Variants in FBRSL1 observed in about 807,000 individuals in gnomAD.
FBRSL1 encodes the protein fibrosin-1-like protein.
A neutral mutation model predicts 89.6 loss-of-function variants in FBRSL1; 51 were observed. The observed-to-expected ratio is 0.57, with a 90% confidence interval of 0.45 to 0.72. The LOEUF is 0.72. Ranked by LOEUF, FBRSL1 falls within the 30% of genes least tolerant of loss-of-function variation. The probability of loss-of-function intolerance (pLI) is 0.00; values close to 1 mark genes in which losing one functional copy is unlikely to be tolerated. For synonymous variants in FBRSL1, 779 were observed against 681.1 expected, an observed-to-expected ratio of 1.14 and a Z score of -2.24; for missense variants, 1,618 against 1,451.8, an observed-to-expected ratio of 1.11 and a Z score of -1.86.
chr12:132,503,979 T>G (rs560208486), intron 1 of FBRSL1, among the ~76,000 whole-genome samples: 1 of 151,780 alleles, frequency 6.6e-6, no homozygotes, highest in South Asian at 2.1e-4. Flanking sequence ...CCTGCCCCCA[T>G]GGAGAGCAGC....
chr12:132,558,369 G>C (rs561696837), intron 5 of FBRSL1, among the ~76,000 whole-genome samples: 1 of 152,232 alleles, frequency 6.6e-6, no homozygotes, highest in African/African-American at 2.4e-5. Context: ...TTTCTCGTCG[G>C]TGAGACGAGT....
chr12:132,531,124 C>T (rs1323709725), intron 4 of FBRSL1, among the ~76,000 whole-genome samples: 1 of 152,044 alleles, frequency 6.6e-6, no homozygotes, highest in Non-Finnish European at 1.5e-5. Context: ...AGGTGGAGGC[C>T]AGACCACCCC....
rs999763077 is a variant in FBRSL1 at position 132,585,125 on chromosome 12, T to C, written c.*1347T>C. On this transcript the variant is annotated 3_prime_UTR_variant, in exon 19 of 19. Coordinates refer to ENST00000680143, the MANE Select transcript of FBRSL1 (RefSeq NM_001367871.1). ...CCACATTTCCACGGTGGACCCTGTT[T>C]GTTTTAAATATTCTGTTCCCATGTC... is the stretch of plus-strand genomic sequence containing the variant. The C allele has an allele frequency of 2.0e-5, 3 of 152,274 alleles. No individual in the cohort carries two copies. The highest frequency in any genetic ancestry group is 4.8e-5 in the African/African-American group (2 of 41,466). The allele number at this position is 152,274 out of a possible 1,614,324, so 9.4% of individuals were successfully genotyped here. A position where few individuals can be genotyped will look rare whatever the true frequency, so the allele number is the denominator to read the frequency against.
At chr12:132,547,920 C>T (rs1593438926) in intron 4 of FBRSL1, 83 bp from the exon 5 acceptor site, 1 of 1,491,232 alleles carries the variant, frequency 6.7e-7, no homozygotes, top group Non-Finnish European at 9.1e-7. Context: ...ACCCGTGCCC[C>T]TGCAGCCTGG....
intron 5 of FBRSL1, among the ~76,000 whole-genome samples, chr12:132,560,829 A>G (rs1420182184): frequency 6.6e-6 from 1 of 152,192 alleles, no homozygotes; most frequent in Non-Finnish European, 1.5e-5. Context: ...CACGCGGGCT[A>G]GGAGGCAGAG....
At chr12:132,530,726 TG>T (rs1334049339) in intron 4 of FBRSL1, among the ~76,000 whole-genome samples, 14 of 6,984 alleles carry the variant, frequency 2.0e-3, no homozygotes, top group South Asian at 6.9e-3. Flanking sequence ...GGGGTGGGGC[TG>T]GGGGGTGGGG....
intron 6 of FBRSL1, among the ~76,000 whole-genome samples, chr12:132,568,431 G>A (rs4883553): frequency 0.24 from 35,930 of 152,276 alleles, 4,949 homozygotes; most frequent in South Asian, 0.32. Context: ...GCGCAGATGG[G>A]GTGGTGTCAG....
chr12:132,564,903 T>A (rs137958711), intron 5 of FBRSL1, among the ~76,000 whole-genome samples: 2,654 of 150,192 alleles, frequency 0.018, 65 homozygotes, highest in East Asian at 0.11. Context: ...TGCTGGGATT[T>A]CAGGCGTGAG....
intron 2 of FBRSL1, among the ~76,000 whole-genome samples, chr12:132,517,742 G>A (rs1238397544): frequency 6.6e-6 from 1 of 152,182 alleles, no homozygotes; most frequent in Non-Finnish European, 1.5e-5. Flanking sequence ...GAGGGGCCTG[G>A]TCTCATACAG....
At position 132,583,545 on chromosome 12, in the gene FBRSL1, G is replaced by T; in HGVS notation, c.2776G>T (p.Gly926Ter). 2 of 1,045,904 alleles carry T rather than the reference G, an allele frequency of 1.9e-6. No individual in the cohort carries two copies. Among genetic ancestry groups the T allele is most frequent in the Non-Finnish European group, 1.2e-6 (1 of 867,876 alleles). The allele number at this position is 1,045,904 out of a possible 1,614,324, so 64.8% of individuals were successfully genotyped here. The change falls in exon 19 of 19, where the codon GGA becomes TGA. Residue 926 changes from glycine (G) to a stop codon, truncating the protein, a stop_gained. Coordinates refer to ENST00000680143, the MANE Select transcript of FBRSL1 (RefSeq NM_001367871.1). LOFTEE classifies it high-confidence loss of function. Reference protein sequence around the residue: ...ALDGALLPSLGALHFPRLSPA... With the variant: ...ALDGALLPSL Reference sequence around the variant, plus strand: ...GGACGGCGCGCTGCTGCCCTCGCTGGGAGCCCTGCACTTCCCGCGCCTCTC... The same window carrying T: ...GGACGGCGCGCTGCTGCCCTCGCTGTGAGCCCTGCACTTCCCGCGCCTCTC...
chr12:132,505,553 T>C (rs1360034746), intron 1 of FBRSL1, among the ~76,000 whole-genome samples: 1 of 152,198 alleles, frequency 6.6e-6, no homozygotes, highest in Non-Finnish European at 1.5e-5. Flanking sequence ...ATGGTGGCCT[T>C]GGACGGGACG....
chr12:132,506,101 C>T (rs1362982276), intron 1 of FBRSL1, among the ~76,000 whole-genome samples: 2 of 152,140 alleles, frequency 1.3e-5, no homozygotes, highest in Non-Finnish European at 2.9e-5. Context: ...CACTTGTGAG[C>T]CCTGTCTGGG....
At chr12:132,517,831 G>A (rs1022278265) in intron 2 of FBRSL1, among the ~76,000 whole-genome samples, 2 of 152,160 alleles carry the variant, frequency 1.3e-5, no homozygotes, top group Non-Finnish European at 2.9e-5. Context: ...GAGGCAGCAC[G>A]GTTGTGGGGG....
chr12:132,555,630 C>T (rs1267280646), intron 5 of FBRSL1, among the ~76,000 whole-genome samples: 1 of 152,202 alleles, frequency 6.6e-6, no homozygotes, highest in Admixed American at 6.5e-5. Flanking sequence ...CCTCCAGAGG[C>T]CCCAGAGGAG....
intron 2 of FBRSL1, among the ~76,000 whole-genome samples, chr12:132,523,461 G>T (rs955932634): frequency 6.6e-6 from 1 of 152,156 alleles, no homozygotes; most frequent in African/African-American, 2.4e-5. Context: ...TGGCATGGGG[G>T]TGACGCGTTC....
intron 9 of FBRSL1, chr12:132,571,829 T>C: frequency 6.1e-6 from 2 of 325,880 alleles, no homozygotes; most frequent in East Asian, 5.8e-5. Context: ...CAGACAGGCC[T>C]GAGGGCACAG....
At chr12:132,576,003 C>T (rs1201822913) in intron 14 of FBRSL1, among the ~76,000 whole-genome samples, 3 of 152,210 alleles carry the variant, frequency 2.0e-5, no homozygotes, top group Admixed American at 6.5e-5. Context: ...CCACCCAAGC[C>T]TGGCCCTGCC....
At chr12:132,575,182 A>G (rs906944382) in intron 14 of FBRSL1, among the ~76,000 whole-genome samples, 3 of 152,018 alleles carry the variant, frequency 2.0e-5, no homozygotes, top group Non-Finnish European at 2.9e-5. Flanking sequence ...CTGAAAAATC[A>G]TTGTCCTAAA....
At chr12:132,505,285 G>A (rs1039706507) in intron 1 of FBRSL1, among the ~76,000 whole-genome samples, 8 of 152,178 alleles carry the variant, frequency 5.3e-5, no homozygotes, top group Non-Finnish European at 1.2e-4. Context: ...TTCCCCATGC[G>A]AACCTTCTGG....
Sources: gnomAD v4.1 joint callset for allele counts (sites outside exome capture counted in the v4.1 genomes callset) on GRCh38, gnomAD v4.1.1 for gene constraint, MANE v1.5 for transcripts, NCBI Gene and HGNC (gene_info 2026-07-23, HGNC 2026-07-21) for gene names.